TEKT3: variants seen among roughly 807,000 people sequenced by gnomAD.
TEKT3 encodes the protein tektin 3.
Under a neutral mutation model 49.8 loss-of-function variants are expected in TEKT3, and 49 were observed. The ratio of observed to expected loss-of-function variants is 0.98; its 90% confidence interval spans 0.78 to 1.25. TEKT3 has a LOEUF of 1.25. Among genes scored for constraint, TEKT3 ranks in the 50% most tolerant of loss-of-function variants. The probability of loss-of-function intolerance (pLI) is 0.00; values close to 1 mark genes in which losing one functional copy is unlikely to be tolerated. For missense variants in TEKT3, 595 were observed against 629.5 expected (o/e 0.95, Z 0.59); for synonymous variants, 225 against 237.2 (o/e 0.95, Z 0.47).
intron 2 of TEKT3, among the ~76,000 whole-genome samples, chr17:15,338,109 T>A (rs1402161327): frequency 2.0e-5 from 3 of 152,182 alleles, no homozygotes; most frequent in Non-Finnish European, 2.9e-5. Context: ...CAAATCCACA[T>A]TATATTTCAA....
At chr17:15,330,738 T>C (rs1911688253) in intron 3 of TEKT3, among the ~76,000 whole-genome samples, 1 of 152,182 alleles carries the variant, frequency 6.6e-6, no homozygotes, top group Non-Finnish European at 1.5e-5. Flanking sequence ...CCTTAAAACA[T>C]TGTGTGTCCT....
intron 2 of TEKT3, among the ~76,000 whole-genome samples, chr17:15,339,278 C>G (rs1912128857): frequency 6.6e-6 from 1 of 152,176 alleles, no homozygotes; most frequent in South Asian, 2.1e-4. Context: ...TTCCTAGCCT[C>G]CAGAACTGTG....
At chr17:15,327,863 C>T (rs574408397) in intron 4 of TEKT3, 129 bp downstream of exon 4, 24 of 700,534 alleles carry the variant, frequency 3.4e-5, no homozygotes, top group Non-Finnish European at 4.9e-5. Context: ...TTGCTAAATG[C>T]TATCAGCATC....
intron 4 of TEKT3, 174 bp downstream of exon 4, chr17:15,327,818 A>G (rs1245846735): frequency 2.1e-6 from 1 of 477,810 alleles, no homozygotes; most frequent in Non-Finnish European, 3.7e-6. Context: ...TCATATTCTC[A>G]TTGAATATAT....
intron 1 of TEKT3, among the ~76,000 whole-genome samples, chr17:15,341,160 C>A (rs1912214852): frequency 6.6e-6 from 1 of 152,218 alleles, no homozygotes; most frequent in South Asian, 2.1e-4. Context: ...GAACAGCGTG[C>A]GGGGCGGCCA....
intron 2 of TEKT3, among the ~76,000 whole-genome samples, chr17:15,336,636 A>G (rs1911992765): frequency 6.6e-6 from 1 of 152,184 alleles, no homozygotes; most frequent in Non-Finnish European, 1.5e-5. Context: ...AAATTGTGGC[A>G]TTAATAAAAT....
At chr17:15,314,758 A>T (rs1910930881) in intron 5 of TEKT3, among the ~76,000 whole-genome samples, 1 of 152,156 alleles carries the variant, frequency 6.6e-6, no homozygotes, top group Non-Finnish European at 1.5e-5. Context: ...TGTGGCTAAG[A>T]AGTTTGCCAG....
intron 4 of TEKT3, among the ~76,000 whole-genome samples, chr17:15,324,740 T>G (rs911679474): frequency 1.3e-5 from 2 of 152,352 alleles, no homozygotes; most frequent in Admixed American, 1.3e-4. Flanking sequence ...TTTCACTTTG[T>G]TGCTAGTGTT....
Position 15,312,254 on chromosome 17 carries a change from T to C in TEKT3, c.1101+5A>G, listed in dbSNP as rs371231482. Reference sequence around the variant, plus strand: ...GCTAAGGGGTACCACTGGCGGTTGATTTACCTTTGCTAAGTGCGTCTGAAT... The same window carrying C: ...GCTAAGGGGTACCACTGGCGGTTGACTTACCTTTGCTAAGTGCGTCTGAAT... On this transcript the variant is annotated splice_donor_5th_base_variant and intron_variant, in intron 7 of 8. Transcript: ENST00000395930. 3.1e-6 allele frequency: 5 copies of C among 1,613,908 alleles called. No homozygotes were observed. In the African/African-American group the frequency reaches 6.7e-5, roughly 22 times the overall value.
chr17:15,328,017 T>C lies in TEKT3; in HGVS notation c.638A>G (p.Asp213Gly). 1 of 1,614,090 alleles carries C rather than the reference T, an allele frequency of 6.2e-7. No individual in the cohort carries two copies. The highest frequency in any genetic ancestry group is 8.5e-7 in the Non-Finnish European group (1 of 1,179,958). ...CGTCAGCAGTTGTGCTTCAACTTCA[T>C]CGTGAACTAGGTCGATTCCCATTCT... ...EKRMGIDLVH[D>G]EVEAQLLTEV... Residue 213 changes from aspartate to glycine, a missense_variant, in exon 4 of 9, where the codon GAT (aspartate) becomes GGT (glycine). By Grantham distance (94) the Asp-to-Gly change is moderately conservative (BLOSUM62 -1). Coordinates refer to ENST00000395930, the MANE Select transcript of TEKT3 (RefSeq NM_031898.3).
At chr17:15,321,257 C>T (rs959379064) in intron 4 of TEKT3, among the ~76,000 whole-genome samples, 4 of 152,092 alleles carry the variant, frequency 2.6e-5, no homozygotes, top group African/African-American at 9.7e-5. Flanking sequence ...GATCCACCCG[C>T]CTCGGCTTCC....
At chr17:15,335,337 TG>T (rs1911936277) in intron 2 of TEKT3, among the ~76,000 whole-genome samples, 2 of 152,162 alleles carry the variant, frequency 1.3e-5, no homozygotes, top group Non-Finnish European at 2.9e-5. Flanking sequence ...CCACAAACCT[TG>T]GCAAAGAGTG....
chr17:15,331,132 C>A lies in TEKT3; in HGVS notation c.454G>T (p.Asp152Tyr). 1 of 1,614,182 alleles carries A rather than the reference C, an allele frequency of 6.2e-7. No homozygotes were observed. ...TTQNLGERVN[D>Y]IGFWKSEIIH... ...ATTTCAGATTTCCAAAACCCTATGTCATTGACACGTTCTCCCAGATTTTGG... is the reference window on the plus strand; with the variant it reads ...ATTTCAGATTTCCAAAACCCTATGTAATTGACACGTTCTCCCAGATTTTGG... The change falls in exon 3 of 9, where the codon GAC becomes TAC. Residue 152 changes from aspartate to tyrosine, a missense_variant. By Grantham distance (160) the Asp-to-Tyr change is radical. Coordinates refer to ENST00000395930, the MANE Select transcript of TEKT3 (RefSeq NM_031898.3).
At chr17:15,337,383 A>G (rs1273061128) in intron 2 of TEKT3, among the ~76,000 whole-genome samples, 1 of 152,150 alleles carries the variant, frequency 6.6e-6, no homozygotes, top group Non-Finnish European at 1.5e-5. Context: ...AGAACCAAAA[A>G]TAAGACAAAG....
intron 2 of TEKT3, among the ~76,000 whole-genome samples, chr17:15,336,648 G>C (rs1304099958): frequency 9.9e-5 from 15 of 152,140 alleles, no homozygotes; most frequent in Non-Finnish European, 1.5e-4. Context: ...TAATAAAATA[G>C]AAGTAAATTA....
chr17:15,336,758 T>C (rs982563064), intron 2 of TEKT3, among the ~76,000 whole-genome samples: 1 of 152,178 alleles, frequency 6.6e-6, no homozygotes, highest in South Asian at 2.1e-4. Context: ...AAACATATAC[T>C]GTGATAAGTT....
At chr17:15,324,608 T>A (rs538997720) in intron 4 of TEKT3, among the ~76,000 whole-genome samples, 1 of 152,312 alleles carries the variant, frequency 6.6e-6, no homozygotes, top group Admixed American at 6.5e-5. Context: ...TTTCTATATT[T>A]TTTATTAGAA....
At chr17:15,321,084 A>T (rs1053645349) in intron 4 of TEKT3, among the ~76,000 whole-genome samples, 1 of 149,160 alleles carries the variant, frequency 6.7e-6, no homozygotes, top group African/African-American at 2.5e-5. Context: ...ATCTCGGCTC[A>T]CTGCAAGCTC....
intron 2 of TEKT3, among the ~76,000 whole-genome samples, chr17:15,336,252 C>T (rs780743706): frequency 1.6e-4 from 24 of 151,970 alleles, no homozygotes; most frequent in African/African-American, 3.9e-4. Context: ...AAAAAAAGAA[C>T]GAAGATAAGA....
Sources: gnomAD v4.1 joint callset for allele counts (sites outside exome capture counted in the v4.1 genomes callset) on GRCh38, gnomAD v4.1.1 for gene constraint, MANE v1.5 for transcripts, NCBI Gene and HGNC (gene_info 2026-07-23, HGNC 2026-07-21) for gene names.